Variants in LRRC7 observed in about 807,000 individuals in gnomAD.
LRRC7 encodes leucine-rich repeat-containing protein 7.
Under a neutral mutation model 175.7 loss-of-function variants are expected in LRRC7, and 23 were observed. The ratio of observed to expected loss-of-function variants is 0.13; its 90% CI spans 0.09 to 0.19. The LOEUF is 0.19. Among genes scored for constraint, LRRC7 ranks in the 10% least tolerant of loss-of-function variants. The pLI is 1.00. For missense variants in LRRC7, 1,354 were observed against 1,904.7 expected (o/e 0.71, Z 5.38); for synonymous variants, 685 against 680.9 (o/e 1.01, Z -0.09).
At chr1:69,927,766 G>A (rs555594354) in intron 7 of LRRC7, among the ~76,000 whole-genome samples, 8 of 152,086 alleles carry the variant, frequency 5.3e-5, no homozygotes, top group Non-Finnish European at 7.4e-5. Context: ...TCCTCCTGTC[G>A]TTCGGAGTAG....
intron 2 of LRRC7, among the ~76,000 whole-genome samples, chr1:69,703,223 G>A (rs1428524134): frequency 2.0e-5 from 3 of 151,784 alleles, no homozygotes; most frequent in Non-Finnish European, 4.4e-5. Flanking sequence ...AATTTCACAG[G>A]ACTGAGTCTC....
chr1:69,866,597 C>T (rs1485600141), intron 7 of LRRC7, among the ~76,000 whole-genome samples: 2 of 152,130 alleles, frequency 1.3e-5, no homozygotes, highest in Non-Finnish European at 1.5e-5. Context: ...AGGATATTTA[C>T]ATCTTATAAA....
intron 4 of LRRC7, among the ~76,000 whole-genome samples, chr1:69,813,272 A>C (rs1321062415): frequency 6.6e-6 from 1 of 152,162 alleles, no homozygotes; most frequent in Non-Finnish European, 1.5e-5. Flanking sequence ...TTGCTCAGCA[A>C]AATTACAACC....
At chr1:69,716,823 G>A (rs905589605) in intron 2 of LRRC7, among the ~76,000 whole-genome samples, 43 of 151,806 alleles carry the variant, frequency 2.8e-4, no homozygotes, top group African/African-American at 1.0e-3. Context: ...ACTTAAGAAT[G>A]TGGAAAGAGT....
At position 70,141,395 on chromosome 1, in the gene LRRC7, A is replaced by G. The variant is rs1571413575; in HGVS notation, c.*19508A>G. ...TTGCAAATAATGTTTCTCTTAATAAAATGATATATTTTGTTTTGAACTTTG... is the reference window on the plus strand; with the variant it reads ...TTGCAAATAATGTTTCTCTTAATAAGATGATATATTTTGTTTTGAACTTTG... On this transcript the variant is annotated 3_prime_UTR_variant, in exon 27 of 27. Coordinates refer to ENST00000651989, the MANE Select transcript of LRRC7 (RefSeq NM_001370785.2). 6.6e-6 allele frequency: 1 copy of G among 152,118 alleles called. No individual in the cohort carries two copies. The highest frequency in any genetic ancestry group is 1.9e-4 in the East Asian group (1 of 5,194). 9.4% of individuals were successfully genotyped at this position (152,118 alleles called of 1,614,324 possible). A position where few individuals can be genotyped will look rare whatever the true frequency, so the allele number is the denominator to read the frequency against.
At chr1:69,616,533 T>C (rs1649649913) in intron 1 of LRRC7, among the ~76,000 whole-genome samples, 1 of 152,114 alleles carries the variant, frequency 6.6e-6, no homozygotes. Context: ...TATTATATTA[T>C]AGAAAGCTTA....
intron 2 of LRRC7, among the ~76,000 whole-genome samples, chr1:69,679,538 G>T (rs1341067338): frequency 6.6e-6 from 1 of 152,066 alleles, no homozygotes; most frequent in East Asian, 1.9e-4. Flanking sequence ...TAACCTGGTA[G>T]ATTTATGGCT....
chr1:69,674,958 C>T (rs1659574398), intron 1 of LRRC7, among the ~76,000 whole-genome samples: 1 of 152,130 alleles, frequency 6.6e-6, no homozygotes, highest in South Asian at 2.1e-4. Context: ...TTGTGACAGA[C>T]ACAACGCAAA....
chr1:69,734,128 AGTTT>A (rs66482181), intron 2 of LRRC7, among the ~76,000 whole-genome samples: 63,891 of 151,306 alleles, frequency 0.42, 14,125 homozygotes, highest in East Asian at 0.56. Flanking sequence ...GTTTTATATT[AGTTT>A]GTTTATCTTA....
intron 1 of LRRC7, among the ~76,000 whole-genome samples, chr1:69,627,794 T>C (rs1651838857): frequency 6.6e-6 from 1 of 152,022 alleles, no homozygotes; most frequent in Non-Finnish European, 1.5e-5. Context: ...TTGTTGTATA[T>C]GTTTTGGTTT....
chr1:69,696,374 C>T (rs570941567), intron 2 of LRRC7, among the ~76,000 whole-genome samples: 1 of 152,118 alleles, frequency 6.6e-6, no homozygotes, highest in Non-Finnish European at 1.5e-5. Flanking sequence ...ATGCCTATAC[C>T]ACCATTATAT....
chr1:69,654,585 T>C (rs1274222219), intron 1 of LRRC7, among the ~76,000 whole-genome samples: 1 of 152,152 alleles, frequency 6.6e-6, no homozygotes, highest in Non-Finnish European at 1.5e-5. Context: ...AGTGCACTTA[T>C]GTAGTTATGC....
chr1:69,927,217 C>T (rs997073925), intron 7 of LRRC7, among the ~76,000 whole-genome samples: 2 of 152,176 alleles, frequency 1.3e-5, no homozygotes, highest in Non-Finnish European at 2.9e-5. Context: ...GTAACCCGAC[C>T]TTTCTCTCTG....
At position 69,740,772 on chromosome 1, in the gene LRRC7, C is replaced by A. The variant is rs188326453; in HGVS notation, c.101-19419C>A. ...CACGGTGTACAGAAAACCTTTAGTCCGAACTTAAATATGTAAGGAGGCAGC... is the reference window on the plus strand; with the variant it reads ...CACGGTGTACAGAAAACCTTTAGTCAGAACTTAAATATGTAAGGAGGCAGC... On this transcript the variant is annotated intron_variant, in intron 2 of 26. Coordinates refer to ENST00000651989, the MANE Select transcript of LRRC7 (RefSeq NM_001370785.2). 1.5e-3 allele frequency among the ~76,000 whole-genome samples: 226 copies of A among 151,970 alleles called. 2 individuals are homozygous for A. The highest frequency in any genetic ancestry group is 0.012 in the Admixed American group (189 of 15,224).
At chr1:69,685,777 A>G (rs916326018) in intron 2 of LRRC7, among the ~76,000 whole-genome samples, 1 of 152,052 alleles carries the variant, frequency 6.6e-6, no homozygotes, top group Non-Finnish European at 1.5e-5. Context: ...GTCCCAGGAG[A>G]GGAGAAGGAG....
At chr1:69,902,273 A>C (rs1298514679) in intron 7 of LRRC7, among the ~76,000 whole-genome samples, 3 of 152,190 alleles carry the variant, frequency 2.0e-5, no homozygotes, top group Non-Finnish European at 4.4e-5. Flanking sequence ...GATGAAATTA[A>C]AAAGCTTTAA....
At chr1:69,602,707 G>C (rs1279452559) in intron 1 of LRRC7, among the ~76,000 whole-genome samples, 1 of 152,106 alleles carries the variant, frequency 6.6e-6, no homozygotes, top group Non-Finnish European at 1.5e-5. Context: ...TCTGTTCCAT[G>C]CCTCTCTCCT....
intron 8 of LRRC7, among the ~76,000 whole-genome samples, chr1:69,944,153 G>T (rs1236786491): frequency 1.3e-5 from 2 of 151,868 alleles, no homozygotes; most frequent in Admixed American, 1.3e-4. Flanking sequence ...CCAGCCCCTG[G>T]AACCACCATT....
intron 1 of LRRC7, among the ~76,000 whole-genome samples, chr1:69,610,429 G>A (rs1414477054): frequency 6.6e-6 from 1 of 152,090 alleles, no homozygotes; most frequent in East Asian, 1.9e-4. Context: ...TCAGGCACAT[G>A]TCCTTTAGTC....
Sources: gnomAD v4.1 joint callset for allele counts (sites outside exome capture counted in the v4.1 genomes callset) on GRCh38, gnomAD v4.1.1 for gene constraint, MANE v1.5 for transcripts, NCBI Gene and HGNC (gene_info 2026-07-23, HGNC 2026-07-21) for gene names.